HEXD: variants seen among roughly 807,000 people sequenced by gnomAD.
HEXD encodes the protein N-acetyl-beta-galactosaminidase.
Under a neutral mutation model 54.2 loss-of-function variants are expected in HEXD, and 47 were observed. The observed-to-expected ratio is 0.87, with a 90% CI of 0.69 to 1.11. The LOEUF is 1.11. Ranked by LOEUF, HEXD falls within the 50% of genes least tolerant of loss-of-function variation. The pLI is 0.00. For missense variants in HEXD, 576 were observed against 649.2 expected, an observed-to-expected ratio of 0.89 and a Z score of 1.23; for synonymous variants, 293 against 287.6, an observed-to-expected ratio of 1.02 and a Z score of -0.19.
At position 82,419,872 on chromosome 17, in the gene HEXD, T is replaced by G; in HGVS notation, c.73T>G (p.Tyr25Asp). 1 of 1,606,376 alleles carries G rather than the reference T, an allele frequency of 6.2e-7. No individual in the cohort carries two copies. The highest frequency in any genetic ancestry group is 8.5e-7 in the Non-Finnish European group (1 of 1,173,138). ...DLKGAPPKVS[Y>D]LSEIFPLFRA... ...TAAAGGAGCTCCACCAAAGGTCTCG[T>G]ACCTCTCAGAGGTAAGGACTCCCTT... The change falls in exon 2 of 13, where the codon TAC (tyrosine) becomes GAC (aspartate). Residue 25 changes from tyrosine to aspartate, a missense_variant. Physicochemically the swap from Tyr to Asp is radical, Grantham distance 160. Transcript: ENST00000327949.
At chr17:82,421,942 C>T (rs1447273536) in intron 2 of HEXD, among the ~76,000 whole-genome samples, 2 of 151,680 alleles carry the variant, frequency 1.3e-5, no homozygotes, top group African/African-American at 4.8e-5. Flanking sequence ...TTTGGGAGGC[C>T]GAGGAAGGTG....
At chr17:82,438,008 G>T (rs1013253002) in intron 8 of HEXD, among the ~76,000 whole-genome samples, 77 of 152,104 alleles carry the variant, frequency 5.1e-4, no homozygotes, top group South Asian at 1.0e-3. Flanking sequence ...AGGCTGAGAC[G>T]GGTGGATCAC....
chr17:82,427,848 C>A (rs2053461266), intron 3 of HEXD, among the ~76,000 whole-genome samples: 1 of 152,218 alleles, frequency 6.6e-6, no homozygotes, highest in South Asian at 2.1e-4. Flanking sequence ...CGACCCGGGG[C>A]AGTCAGCCCT....
At chr17:82,421,789 G>C (rs2053241818) in intron 2 of HEXD, among the ~76,000 whole-genome samples, 1 of 152,064 alleles carries the variant, frequency 6.6e-6, no homozygotes, top group Non-Finnish European at 1.5e-5. Context: ...TTGCGCCACT[G>C]CACTCCAGCC....
In HEXD at chr17:82,433,716, C is replaced by T; in HGVS notation, c.341C>T (p.Thr114Ile). The T allele has an allele frequency of 1.9e-6, 3 of 1,613,158 alleles. No homozygotes were observed. Among genetic ancestry groups the T allele is most frequent in the Non-Finnish European group, 2.5e-6 (3 of 1,179,824 alleles). ...HLREVGSFPCTLNPHEAESLA... is the reference protein window; with the variant it reads ...HLREVGSFPCILNPHEAESLA... ...CGGGAGGTGGGCTCCTTCCCCTGCA[C>T]CCTGAACCCCCACGAGGCAGAGTCC... Residue 114 changes from threonine (T) to isoleucine (I), a missense_variant, in exon 5 of 13, where the codon ACC becomes ATC. Thr to Ile is a moderately conservative substitution (Grantham distance 89). Transcript: ENST00000327949.
intron 11 of HEXD, 83 bp downstream of exon 11, chr17:82,441,349 A>AGGCAGGTGCGGGTGAGG (rs1347211943): frequency 1.8e-5 from 19 of 1,031,050 alleles, no homozygotes; most frequent in Admixed American, 1.3e-4. Context: ...TGTGGGTGGG[A>AGGCAGGTGCGGGTGAGG]GGCAGGTGCG....
chr17:82,427,624 A>G (rs1430983821), intron 3 of HEXD, among the ~76,000 whole-genome samples: 1 of 152,204 alleles, frequency 6.6e-6, no homozygotes, highest in Non-Finnish European at 1.5e-5. Context: ...TTCTTCCTAC[A>G]GTGAAGACAT....
intron 3 of HEXD, among the ~76,000 whole-genome samples, chr17:82,427,491 C>T (rs1019764817): frequency 5.3e-5 from 8 of 152,160 alleles, no homozygotes; most frequent in South Asian, 4.2e-4. Flanking sequence ...AAGTGATGAA[C>T]GGTGAGCCAG....
Position 82,434,111 on chromosome 17 carries a change from C to T in HEXD, c.447+289C>T, listed in dbSNP as rs148589489. On this transcript the variant is annotated intron_variant, in intron 5 of 12. Transcript: ENST00000327949. This position sits in a 1 kb window ranked among gnomAD's most constrained non-coding sequence, Gnocchi z 4.5. Reference sequence around the variant, plus strand: ...CCGAGGGAGGCACCCTCGTGTCAGACGAGACCACCCCGGGCGGCTGGGCTG... The same window carrying T: ...CCGAGGGAGGCACCCTCGTGTCAGATGAGACCACCCCGGGCGGCTGGGCTG... Among the ~76,000 whole-genome samples the T allele has an allele frequency of 8.9e-3, 1,357 of 152,320 alleles. 6 individuals carry two copies. The highest frequency in any genetic ancestry group is 0.015 in the Non-Finnish European group (1,025 of 68,010).
At position 82,441,793 on chromosome 17, in the gene HEXD, GC is replaced by G. The variant is rs770416671; in HGVS notation, c.1164-3del. ...CCGCGGCACACCCCTATGTGGATTT[GC>G]CCCAGGTATGTCACTGGCTGGTTCA... On this transcript the variant is annotated splice_polypyrimidine_tract_variant and splice_region_variant and intron_variant, in intron 11 of 12. Transcript: ENST00000327949. The G allele has an allele frequency of 2.5e-6, 4 of 1,612,814 alleles. No individual in the cohort carries two copies. Among genetic ancestry groups the G allele is most frequent in the Non-Finnish European group, 3.4e-6 (4 of 1,179,730 alleles).
rs144401888 is a variant in HEXD at position 82,439,571 on chromosome 17, C to A, written c.900-60C>A. 1,600 of 1,500,528 alleles carry A rather than the reference C, an allele frequency of 1.1e-3. 10 individuals are homozygous for A. In the African/African-American group the frequency reaches 0.016, roughly 15 times the overall value. The allele number at this position is 1,500,528 out of a possible 1,614,324, so 93.0% of individuals were successfully genotyped here. Reference sequence around the variant, plus strand: ...ACAGCAGGGACGTCCGAAGTCAGGGCGCCTGCGTCAGGCTGCTGGGGGCGG... The same window carrying A: ...ACAGCAGGGACGTCCGAAGTCAGGGAGCCTGCGTCAGGCTGCTGGGGGCGG... On this transcript the variant is annotated intron_variant, in intron 8 of 12. Coordinates refer to ENST00000327949, the MANE Select transcript of HEXD (RefSeq NM_001330542.2).
chr17:82,425,049 G>A (rs887591088), intron 3 of HEXD, among the ~76,000 whole-genome samples: 1 of 151,302 alleles, frequency 6.6e-6, no homozygotes, highest in Non-Finnish European at 1.5e-5. Context: ...GGCTGGAGGA[G>A]GCCAGAGAAG....
chr17:82,439,145 C>T (rs534986817), intron 8 of HEXD, among the ~76,000 whole-genome samples: 3 of 152,360 alleles, frequency 2.0e-5, no homozygotes, highest in East Asian at 1.9e-4. Context: ...CTGCCTGCCA[C>T]GCCTGATCTC....
intron 3 of HEXD, among the ~76,000 whole-genome samples, chr17:82,427,645 G>A (rs577721369): frequency 6.6e-6 from 1 of 152,246 alleles, no homozygotes; most frequent in South Asian, 2.1e-4. Context: ...TTTGTCTTTT[G>A]ATGTGAAAAA....
chr17:82,437,489 G>T, intron 8 of HEXD, 126 bp downstream of exon 8: 1 of 839,134 alleles, frequency 1.2e-6, no homozygotes, highest in Non-Finnish European at 1.7e-6. Flanking sequence ...GGGCCTCCAA[G>T]AGGAGCTGCA....
Position 82,428,946 on chromosome 17 carries a change from A to G in HEXD, c.282+301A>G, listed in dbSNP as rs982611382. 2.0e-5 allele frequency among the ~76,000 whole-genome samples: 3 copies of G among 152,134 alleles called. No individual in the cohort carries two copies. The South Asian group carries it at 6.2e-4, about 32-fold the overall frequency. On this transcript the variant is annotated intron_variant, in intron 4 of 12. Transcript: ENST00000327949. ...AATATTATTATGTGAGGTAAAACAC[A>G]GTATTAGGGAAAGAAAAGGTGCTTT...
intron 3 of HEXD, among the ~76,000 whole-genome samples, chr17:82,427,736 T>C (rs2053457811): frequency 6.6e-6 from 1 of 152,266 alleles, no homozygotes; most frequent in Admixed American, 6.5e-5. Flanking sequence ...TAGAACGGAT[T>C]AGCCTAAGAT....
At position 82,441,260 on chromosome 17, in the gene HEXD, G is replaced by A. The variant is rs1163596647; in HGVS notation, c.1157G>A (p.Gly386Asp). Residue 386 changes from glycine to aspartate, a missense_variant, in exon 11 of 13, where the codon GGC (glycine) becomes GAC (aspartate). By Grantham distance (94) the Gly-to-Asp change is moderately conservative. Coordinates refer to ENST00000327949, the MANE Select transcript of HEXD (RefSeq NM_001330542.2). ...AGCTCTGTGGATGCGCTGCTGGAGGGCAACAGGTGAGCGTGTGGGTTAGGG... is the reference window on the plus strand; with the variant it reads ...AGCTCTGTGGATGCGCTGCTGGAGGACAACAGGTGAGCGTGTGGGTTAGGG... ...LRSSVDALLEGNRYVTGWFSP... is the reference protein window; with the variant it reads ...LRSSVDALLEDNRYVTGWFSP... 2 of 1,601,686 alleles carry A rather than the reference G, an allele frequency of 1.2e-6. No individual in the cohort carries two copies. The highest frequency in any genetic ancestry group is 1.7e-6 in the Non-Finnish European group (2 of 1,175,522).
rs1382296323 is a variant in HEXD at position 82,418,352 on chromosome 17, C to T, written c.-440C>T. The T allele has an allele frequency of 3.6e-6, 4 of 1,102,324 alleles. No individual in the cohort carries two copies. Among genetic ancestry groups the T allele is most frequent in the African/African-American group, 3.3e-5 (2 of 60,180 alleles). The allele number at this position is 1,102,324 out of a possible 1,614,324, so 68.3% of individuals were successfully genotyped here. On this transcript the variant is annotated 5_prime_UTR_variant, in exon 1 of 13. Transcript: ENST00000327949. ...GGCCCCGCCCCATCAGCCCCAGTCC[C>T]GCCCACTCCATGGCCCTGTCCGCCG...
Sources: gnomAD v4.1 joint callset for allele counts (sites outside exome capture counted in the v4.1 genomes callset) on GRCh38, gnomAD v4.1.1 for gene constraint, Gnocchi (gnomAD v3.1) non-coding constraint, MANE v1.5 for transcripts, NCBI Gene and HGNC (gene_info 2026-07-23, HGNC 2026-07-21) for gene names.